The following TCF7L2 variants were observed in gnomAD, a reference collection of about 807,000 sequenced individuals.
TCF7L2 encodes transcription factor 7-like 2.
TCF7L2 carries 23 observed loss-of-function variants against 77.9 expected under a neutral mutation model. The observed-to-expected ratio is 0.30, with a 90% confidence interval of 0.21 to 0.42. The LOEUF (loss-of-function observed/expected upper bound fraction) is 0.42, where lower values mean the gene tolerates loss of function less well. Among genes scored for constraint, TCF7L2 ranks in the 10% least tolerant of loss-of-function variants. TCF7L2 has a pLI of 1.00. For missense variants in TCF7L2, 654 were observed against 793.1 expected, an observed-to-expected ratio of 0.82 and a Z score of 2.11; for synonymous variants, 413 against 340.2, an observed-to-expected ratio of 1.21 and a Z score of -2.36.
At chr10:112,957,714 C>T (rs1256735411) in intron 3 of TCF7L2, among the ~76,000 whole-genome samples, 1 of 152,114 alleles carries the variant, frequency 6.6e-6, no homozygotes. Context: ...CTTCATTACC[C>T]AGGGTGTTCT....
intron 5 of TCF7L2, among the ~76,000 whole-genome samples, chr10:113,094,995 A>G (rs2060797954): frequency 6.6e-6 from 1 of 152,142 alleles, no homozygotes; most frequent in Admixed American, 6.5e-5. Context: ...GGTCCCAGCT[A>G]CTCGGGAGGC....
chr10:113,146,922 GT>G (rs1194298547), intron 8 of TCF7L2, among the ~76,000 whole-genome samples: 2 of 151,984 alleles, frequency 1.3e-5, no homozygotes, highest in Non-Finnish European at 2.9e-5. Flanking sequence ...ATGTGTGTGT[GT>G]GCTGTACATT....
At chr10:112,990,579 T>C (rs1045766007) in intron 4 of TCF7L2, among the ~76,000 whole-genome samples, 1 of 152,010 alleles carries the variant, frequency 6.6e-6, no homozygotes, top group Admixed American at 6.6e-5. Flanking sequence ...TGGTGGTGCA[T>C]GCCTGTAGTC....
At chr10:112,954,879 T>C (rs1474479942) in intron 3 of TCF7L2, among the ~76,000 whole-genome samples, 2 of 152,192 alleles carry the variant, frequency 1.3e-5, no homozygotes, top group East Asian at 3.8e-4. Context: ...ATAAATAAGC[T>C]GCATCTTGAA....
chr10:113,101,704 A>C (rs1196438852), intron 5 of TCF7L2, among the ~76,000 whole-genome samples: 1 of 151,682 alleles, frequency 6.6e-6, no homozygotes, highest in African/African-American at 2.4e-5. Flanking sequence ...TTAGCTGGGC[A>C]TGGTGGCGGC....
At chr10:113,106,709 G>A (rs1005366469) in intron 5 of TCF7L2, among the ~76,000 whole-genome samples, 1 of 152,164 alleles carries the variant, frequency 6.6e-6, no homozygotes, top group Non-Finnish European at 1.5e-5. Context: ...GTGCTTTAGC[G>A]ATACATAGAC....
intron 5 of TCF7L2, among the ~76,000 whole-genome samples, chr10:113,043,708 C>T (rs1195018052): frequency 6.6e-6 from 1 of 152,112 alleles, no homozygotes; most frequent in Non-Finnish European, 1.5e-5. Flanking sequence ...CCTATTTTCG[C>T]ATTCATATAA....
intron 4 of TCF7L2, among the ~76,000 whole-genome samples, chr10:113,026,759 A>G (rs141271875): frequency 5.3e-4 from 81 of 152,310 alleles, no homozygotes; most frequent in Non-Finnish European, 5.7e-4. Context: ...TGGGAGCTCT[A>G]GAAGTGGAGA....
chr10:112,964,784 G>GTGA (rs1564719137), intron 4 of TCF7L2, among the ~76,000 whole-genome samples, 160 bp downstream of exon 4: 1 of 143,702 alleles, frequency 7.0e-6, no homozygotes, highest in African/African-American at 2.7e-5. Context: ...GGTGATGGTG[G>GTGA]TGGTGGTGAT....
At chr10:113,089,864 A>G (rs2060192203) in intron 5 of TCF7L2, among the ~76,000 whole-genome samples, 1 of 152,172 alleles carries the variant, frequency 6.6e-6, no homozygotes, top group Admixed American at 6.5e-5. Flanking sequence ...TTATCCCATT[A>G]AACTTGGCCC....
intron 5 of TCF7L2, among the ~76,000 whole-genome samples, chr10:113,075,347 T>TGGTGATGGGCAC (rs1455053544): frequency 6.6e-6 from 1 of 151,712 alleles, no homozygotes; most frequent in Admixed American, 6.6e-5. Context: ...TAATCCGAGC[T>TGGTGATGGGCAC]CTCCTGGAGG....
At chr10:113,106,575 G>C (rs1052577937) in intron 5 of TCF7L2, among the ~76,000 whole-genome samples, 23 of 152,170 alleles carry the variant, frequency 1.5e-4, no homozygotes, top group Non-Finnish European at 3.1e-4. Context: ...TTGATATGAT[G>C]ATCAGGAGGC....
intron 4 of TCF7L2, among the ~76,000 whole-genome samples, chr10:113,019,710 T>C (rs537439464): frequency 6.6e-6 from 1 of 152,336 alleles, no homozygotes; most frequent in Admixed American, 6.5e-5. Context: ...GTTGATTTTT[T>C]TCTTTTGCTG....
At chr10:113,022,817 G>A (rs967474271) in intron 4 of TCF7L2, among the ~76,000 whole-genome samples, 5 of 141,276 alleles carry the variant, frequency 3.5e-5, no homozygotes, top group Non-Finnish European at 6.5e-5. Flanking sequence ...GGGAAGCTGT[G>A]CTGAGAGAGG....
intron 4 of TCF7L2, among the ~76,000 whole-genome samples, chr10:112,982,397 T>C (rs1200921510): frequency 6.6e-6 from 1 of 152,194 alleles, no homozygotes; most frequent in Non-Finnish European, 1.5e-5. Flanking sequence ...ACCTGGCACA[T>C]AAGAAAGGTT....
At chr10:113,146,621 G>GT (rs548324374) in intron 8 of TCF7L2, among the ~76,000 whole-genome samples, 2,771 of 137,564 alleles carry the variant, frequency 0.02, 35 homozygotes, top group Non-Finnish European at 0.029. Flanking sequence ...AAAAGTTTTT[G>GT]TTTTTTTTTT....
intron 4 of TCF7L2, among the ~76,000 whole-genome samples, chr10:112,975,169 C>A (rs2039154394): frequency 6.6e-6 from 1 of 152,066 alleles, no homozygotes; most frequent in African/African-American, 2.4e-5. Flanking sequence ...TATATTATCT[C>A]TATATTTATA....
chr10:113,161,766 C>A (rs982401431), intron 13 of TCF7L2, among the ~76,000 whole-genome samples: 1 of 152,210 alleles, frequency 6.6e-6, no homozygotes, highest in Admixed American at 6.5e-5. Flanking sequence ...CTCTTCCCCC[C>A]TTCTCTGATG....
intron 5 of TCF7L2, chr10:113,129,294 CTCGGTTGA>C: frequency 1.0e-6 from 1 of 986,076 alleles, no homozygotes; most frequent in Non-Finnish European, 1.2e-6. Flanking sequence ...GCCTCCTGCA[CTCGGTTGA>C]TCATTTTCCC....
Sources: gnomAD v4.1 joint callset for allele counts (sites outside exome capture counted in the v4.1 genomes callset) on GRCh38, gnomAD v4.1.1 for gene constraint, MANE v1.5 for transcripts, NCBI Gene and HGNC (gene_info 2026-07-23, HGNC 2026-07-21) for gene names.